SENP1: variants seen among roughly 807,000 people sequenced by gnomAD.
SENP1 encodes the protein SUMO specific peptidase 1.
In SENP1, 21 loss-of-function variants were observed where a neutral mutation model predicts 93.0. The observed-to-expected ratio is 0.23, with a 90% CI of 0.16 to 0.33. The LOEUF is 0.33. Ranked by LOEUF, SENP1 falls within the 10% of genes least tolerant of loss-of-function variation. The pLI is 1.00. For missense variants in SENP1, 591 were observed against 758.7 expected (o/e 0.78, Z 2.60); for synonymous variants, 256 against 259.6 (o/e 0.99, Z 0.13).
At chr12:48,054,907 T>C (rs1942111230) in intron 13 of SENP1, 1 of 165,466 alleles carries the variant, frequency 6.0e-6, no homozygotes, top group Non-Finnish European at 1.3e-5. Flanking sequence ...CATATATATG[T>C]TTAAAATATA....
intron 8 of SENP1, among the ~76,000 whole-genome samples, chr12:48,073,433 TCAAA>T (rs748051935): frequency 1.3e-5 from 2 of 151,698 alleles, no homozygotes; most frequent in Non-Finnish European, 2.9e-5. Context: ...AAAAAAAACC[TCAAA>T]CAACCTGAGA....
chr12:48,085,032 C>T (rs1055770136), intron 5 of SENP1: 2 of 1,133,274 alleles, frequency 1.8e-6, no homozygotes, highest in Non-Finnish European at 2.5e-6. Context: ...GCTTCTGGTG[C>T]TCTGGGGTGA....
Position 48,088,858 on chromosome 12 carries a change from G to C in SENP1, c.323C>G (p.Ser108Cys), listed in dbSNP as rs1475470228. Residue 108 changes from serine (S) to cysteine (C), a missense_variant, in exon 5 of 18, where the codon TCT becomes TGT. By Grantham distance (112) the Ser-to-Cys change is moderately radical (BLOSUM62 -1). Transcript: ENST00000549518. ...TCGGCTGTTTCTTGATTTTTGTAAAGATGAGCTTGACGATGGGGTAGAATT... is the reference window on the plus strand; with the variant it reads ...TCGGCTGTTTCTTGATTTTTGTAAACATGAGCTTGACGATGGGGTAGAATT... ...WRNSTPSSSS[S>C]LQKSRNSRSL... 6.2e-7 allele frequency: 1 copy of C among 1,607,458 alleles called. No homozygotes were observed. The highest frequency in any genetic ancestry group is 8.5e-7 in the Non-Finnish European group (1 of 1,176,724).
Position 48,057,118 on chromosome 12 carries a change from T to C in SENP1, c.1407+6592A>G, listed in dbSNP as rs59447350. Among the ~76,000 whole-genome samples the C allele has an allele frequency of 1.1e-3, 62 of 53,976 alleles. 15 individuals are homozygous for C. The highest frequency in any genetic ancestry group is 6.3e-3 in the Middle Eastern group (1 of 160). The allele number at this position is 53,976 out of a possible 152,430, so 35.4% of individuals were successfully genotyped here. On this transcript the variant is annotated intron_variant, in intron 13 of 17. Transcript: ENST00000549518. ...TATAAATATATTATTTAATATATTA[T>C]ATATTACATATATAAATATATTATT... is the stretch of plus-strand genomic sequence containing the variant.
In SENP1 at chr12:48,098,107, T is replaced by C. The variant is rs1358217018; in HGVS notation, c.22A>G (p.Met8Val). Residue 8 changes from methionine to valine, a missense_variant, in exon 3 of 18, where the codon ATG becomes GTG. Coordinates refer to ENST00000549518, the MANE Select transcript of SENP1 (RefSeq NM_001267594.2). ...GTCACTTCTCCAGCATCCATCCTCATCCTATCAGCAATATCATCTGGGGAG... is the reference window on the plus strand; with the variant it reads ...GTCACTTCTCCAGCATCCATCCTCACCCTATCAGCAATATCATCTGGGGAG... Reference protein sequence around the residue: MDDIADRMRMDAGEVTLV... With the variant: MDDIADRVRMDAGEVTLV... The C allele has an allele frequency of 6.2e-7, 1 of 1,613,532 alleles. No homozygotes were observed. The highest frequency in any genetic ancestry group is 8.5e-7 in the Non-Finnish European group (1 of 1,179,602).
chr12:48,050,865 T>G (rs1313026090), intron 13 of SENP1, among the ~76,000 whole-genome samples: 1 of 152,156 alleles, frequency 6.6e-6, no homozygotes, highest in African/African-American at 2.4e-5. Flanking sequence ...GGTAAACCCT[T>G]CAATCCAAGA....
Position 48,096,365 on chromosome 12 carries a change from A to C in SENP1, c.198T>G (p.Ala66=). 3 of 1,607,180 alleles carry C rather than the reference A, an allele frequency of 1.9e-6. No individual in the cohort carries two copies. The highest frequency in any genetic ancestry group is 2.6e-6 in the Non-Finnish European group (3 of 1,173,984). Residue 66 remains alanine (A), a synonymous_variant, in exon 4 of 18, where the codon GCT becomes GCG. Coordinates refer to ENST00000549518, the MANE Select transcript of SENP1 (RefSeq NM_001267594.2). The part of the protein sequence containing the change: ...RSFTCSTRSA[A]YNPSYYSDNP... ...TACCTGAGTAATAGCTTGGATTATAAGCTGCACTTCTTGTGGAACATGTAA... is the reference window on the plus strand; with the variant it reads ...TACCTGAGTAATAGCTTGGATTATACGCTGCACTTCTTGTGGAACATGTAA...
chr12:48,052,042 C>T (rs1167272396), intron 13 of SENP1, among the ~76,000 whole-genome samples: 2 of 152,194 alleles, frequency 1.3e-5, no homozygotes, highest in East Asian at 3.8e-4. Context: ...ATCTACTTGT[C>T]TATGCAGTCA....
At chr12:48,102,810 C>CA (rs1221712691) in intron 1 of SENP1, among the ~76,000 whole-genome samples, 9,221 of 81,800 alleles carry the variant, frequency 0.11, 390 homozygotes, top group Non-Finnish European at 0.15. Context: ...GACTCCGTCT[C>CA]AAAAAAAAAA....
At position 48,048,915 on chromosome 12, in the gene SENP1, A is replaced by G. The variant is rs191351303; in HGVS notation, c.1611+14T>C. 1.5e-3 allele frequency: 2,470 copies of G among 1,601,240 alleles called. 2 individuals carry two copies. Among genetic ancestry groups the G allele is most frequent in the Non-Finnish European group, 2.0e-3 (2,381 of 1,169,104 alleles). On this transcript the variant is annotated intron_variant, in intron 14 of 17. Transcript: ENST00000549518. ...TAGCTTTTACATTTTATCAAAAATG[A>G]AAGGGGTACTCACAGCTAGACACCA...
At chr12:48,079,666 A>G (rs1275418852) in intron 6 of SENP1, among the ~76,000 whole-genome samples, 7 of 152,204 alleles carry the variant, frequency 4.6e-5, no homozygotes, top group Non-Finnish European at 1.0e-4. Flanking sequence ...TATATTTTTT[A>G]AAAGGGACAG....
At chr12:48,102,025 C>T (rs189197267) in intron 1 of SENP1, among the ~76,000 whole-genome samples, 49 of 152,276 alleles carry the variant, frequency 3.2e-4, no homozygotes, top group African/African-American at 1.1e-3. Context: ...AAGTACTTCC[C>T]CCAACATCAT....
intron 4 of SENP1, 76 bp from the exon 5 acceptor site, chr12:48,089,036 C>T: frequency 6.5e-7 from 1 of 1,533,284 alleles, no homozygotes; most frequent in Non-Finnish European, 8.8e-7. Context: ...CATGACCAAC[C>T]ATTGTATTCC....
chr12:48,066,514 CTT>C (rs1169603738), intron 10 of SENP1, among the ~76,000 whole-genome samples: 24 of 140,924 alleles, frequency 1.7e-4, no homozygotes, highest in South Asian at 2.3e-4. Context: ...ACAGGCACTT[CTT>C]TTTTTTTTTT....
At position 48,102,023 on chromosome 12, in the gene SENP1, C is replaced by A. The variant is rs1009431617; in HGVS notation, c.-44-507G>T. Among the ~76,000 whole-genome samples the A allele has an allele frequency of 3.9e-5, 6 of 152,180 alleles. No individual in the cohort carries two copies. The South Asian group carries it at 8.3e-4, about 21-fold the overall frequency. ...TACTCTGGAGTAATACAAAGTACTT[C>A]CCCCAACATCATCAATCAAACTGCT... On this transcript the variant is annotated intron_variant, in intron 1 of 17. Transcript: ENST00000549518.
At chr12:48,100,541 A>G (rs933274672) in intron 2 of SENP1, among the ~76,000 whole-genome samples, 20 of 152,112 alleles carry the variant, frequency 1.3e-4, no homozygotes, top group African/African-American at 4.3e-4. Context: ...AGGCTGAGAC[A>G]GGGGGATTGC....
chr12:48,068,666 A>C (rs1311174927), intron 9 of SENP1, among the ~76,000 whole-genome samples: 1 of 152,150 alleles, frequency 6.6e-6, no homozygotes, highest in East Asian at 1.9e-4. Flanking sequence ...TATCTAGGAA[A>C]TTCATTTGTT....
chr12:48,101,259 C>A (rs1945917490), intron 2 of SENP1, among the ~76,000 whole-genome samples: 1 of 152,184 alleles, frequency 6.6e-6, no homozygotes. Context: ...GCACTCCAGC[C>A]TGGGTGACAG....
At chr12:48,066,515 T>C (rs1943308745) in intron 10 of SENP1, among the ~76,000 whole-genome samples, 1 of 142,410 alleles carries the variant, frequency 7.0e-6, no homozygotes. Context: ...CAGGCACTTC[T>C]TTTTTTTTTT....
Sources: gnomAD v4.1 joint callset for allele counts (sites outside exome capture counted in the v4.1 genomes callset) on GRCh38, gnomAD v4.1.1 for gene constraint, MANE v1.5 for transcripts, NCBI Gene and HGNC (gene_info 2026-07-23, HGNC 2026-07-21) for gene names.